Variants in EXOSC10 observed in about 807,000 individuals in gnomAD.
EXOSC10 encodes the protein exosome complex component 10.
EXOSC10 carries 94 observed loss-of-function variants against 126.6 expected under a neutral mutation model. That is an observed-to-expected ratio of 0.74 (90% CI 0.63 to 0.88). The LOEUF is 0.88. Among genes scored for constraint, EXOSC10 ranks in the 40% least tolerant of loss-of-function variants. The probability of loss-of-function intolerance (pLI) is 0.00; values close to 1 mark genes in which losing one functional copy is unlikely to be tolerated. For missense variants in EXOSC10, 1,041 were observed against 1,100.5 expected, an observed-to-expected ratio of 0.95 and a Z score of 0.77; for synonymous variants, 395 against 400.8, an observed-to-expected ratio of 0.99 and a Z score of 0.17.
chr1:11,076,517 G>C (rs1639826282), intron 17 of EXOSC10, among the ~76,000 whole-genome samples: 1 of 152,224 alleles, frequency 6.6e-6, no homozygotes, highest in Non-Finnish European at 1.5e-5. Flanking sequence ...ACTGCAGCTT[G>C]TCTGGAAAGC....
At chr1:11,078,010 C>G (rs752742699) in intron 14 of EXOSC10, among the ~76,000 whole-genome samples, 18 of 152,082 alleles carry the variant, frequency 1.2e-4, no homozygotes, top group Non-Finnish European at 2.2e-4. Context: ...AGGTGGCTCA[C>G]AACTGTAATT....
Position 11,069,472 on chromosome 1 carries a change from C to T in EXOSC10, c.2488+87G>A. 1.0e-5 allele frequency: 15 copies of T among 1,429,184 alleles called. No homozygotes were observed. The South Asian group carries it at 1.8e-4, about 17-fold the overall frequency. The allele number at this position is 1,429,184 out of a possible 1,614,324, so 88.5% of individuals were successfully genotyped here. Reference sequence around the variant, plus strand: ...AGCACCATGCCTTGTGCAGGACTCACTTGGCCCCTATATTGTGGTCTCTTT... The same window carrying T: ...AGCACCATGCCTTGTGCAGGACTCATTTGGCCCCTATATTGTGGTCTCTTT... On this transcript the variant is annotated intron_variant, in intron 22 of 24. Transcript: ENST00000376936.
At chr1:11,078,113 A>C (rs1272689596) in intron 14 of EXOSC10, among the ~76,000 whole-genome samples, 5 of 152,072 alleles carry the variant, frequency 3.3e-5, no homozygotes, top group Non-Finnish European at 5.9e-5. Flanking sequence ...CTCTACAAAA[A>C]ATTAAAAAAA....
Position 11,090,549 on chromosome 1 carries a change from C to T in EXOSC10, c.758+5G>A. 2 of 1,612,480 alleles carry T rather than the reference C, an allele frequency of 1.2e-6. No homozygotes were observed. The highest frequency in any genetic ancestry group is 2.2e-5 in the East Asian group (1 of 44,876). ...GCAGAAAGTCAGACACAGGCCAACA[C>T]TTACATGTCTTGCTCAACCTGCTGG... On this transcript the variant is annotated splice_donor_5th_base_variant and intron_variant, in intron 6 of 24. Coordinates refer to ENST00000376936, the MANE Select transcript of EXOSC10 (RefSeq NM_001001998.3).
chr1:11,067,091 G>A (rs1004324049), intron 24 of EXOSC10, among the ~76,000 whole-genome samples: 1 of 152,206 alleles, frequency 6.6e-6, no homozygotes, highest in Non-Finnish European at 1.5e-5. Flanking sequence ...GAGGCCAGGA[G>A]TTTGAGACCA....
At position 11,066,733 on chromosome 1, in the gene EXOSC10, G is replaced by C. The variant is rs1437384315; in HGVS notation, c.2643C>G (p.Asn881Lys). 1 of 1,614,232 alleles carries C rather than the reference G, an allele frequency of 6.2e-7. No individual in the cohort carries two copies. The highest frequency in any genetic ancestry group is 8.5e-7 in the Non-Finnish European group (1 of 1,180,028). Residue 881 changes from asparagine to lysine, a missense_variant, in exon 25 of 25, where the codon AAC becomes AAG. Around this residue, in one of 3 missense-constraint regions of EXOSC10, gnomAD observed 388 missense variants for 415.2 expected, o/e 0.93. Coordinates refer to ENST00000376936, the MANE Select transcript of EXOSC10 (RefSeq NM_001001998.3). Reference sequence around the variant, plus strand: ...TCTTCCAGGACTATCTCTGTGGCCAGTTGTACCTGAAGCCTCTGCAGAGAG... The same window carrying C: ...TCTTCCAGGACTATCTCTGTGGCCACTTGTACCTGAAGCCTCTGCAGAGAG... ...TGKSDRGFRY[N>K]WPQR is the part of the protein sequence containing the mutation.
Position 11,098,113 on chromosome 1 carries a change from C to T in EXOSC10, c.155G>A (p.Gly52Asp). Reference protein sequence around the residue: ...SVVAVTKASGGLPQFGDEYDF... With the variant: ...SVVAVTKASGDLPQFGDEYDF... The stretch of plus-strand genomic sequence containing the variant: ...ATACTCATCGCCAAACTGTGGTAGG[C>T]CCCCAGATGCCTTGGTGACTGCCAC... Residue 52 changes from glycine to aspartate, a missense_variant, in exon 2 of 25, where the codon GGC (glycine) becomes GAC (aspartate). Transcript: ENST00000376936. 5 of 1,612,206 alleles carry T rather than the reference C, an allele frequency of 3.1e-6. No homozygotes were observed. Among genetic ancestry groups the T allele is most frequent in the Non-Finnish European group, 4.2e-6 (5 of 1,179,480 alleles).
intron 1 of EXOSC10, among the ~76,000 whole-genome samples, chr1:11,099,520 C>A (rs1641310604): frequency 6.6e-6 from 1 of 152,222 alleles, no homozygotes; most frequent in Admixed American, 6.5e-5. Flanking sequence ...CTTAGGCTCG[C>A]AAGCGGGACG....
chr1:11,079,217 G>A (rs986784866), intron 14 of EXOSC10, among the ~76,000 whole-genome samples: 6 of 151,166 alleles, frequency 4.0e-5, no homozygotes, highest in East Asian at 4.0e-4. Flanking sequence ...TAATCCCAGC[G>A]ACTCAGGAGG....
rs1640220204 is a variant in EXOSC10, at chr1:11,082,401, C to T, written c.1280+287G>A. 1.4e-5 allele frequency: 7 copies of T among 502,176 alleles called. No individual in the cohort carries two copies. The South Asian group carries it at 1.9e-4, about 14-fold the overall frequency. 31.1% of individuals were successfully genotyped at this position (502,176 alleles called of 1,614,324 possible). A position where few individuals can be genotyped will look rare whatever the true frequency, so the allele number is the denominator to read the frequency against. On this transcript the variant is annotated intron_variant, in intron 10 of 24. Coordinates refer to ENST00000376936, the MANE Select transcript of EXOSC10 (RefSeq NM_001001998.3). ...CACAAAATCATCTGGTAGAAAGATC[C>T]CAGTTTCAAACAAAAGACCAGCATG...
chr1:11,099,061 C>A (rs57976837), intron 1 of EXOSC10, among the ~76,000 whole-genome samples: 4,948 of 152,154 alleles, frequency 0.033, 210 homozygotes, highest in African/African-American at 0.077. Flanking sequence ...TAAGATACAA[C>A]GTTAGTGGAA....
Position 11,069,688 on chromosome 1 carries a change from G to C in EXOSC10, c.2359C>G (p.Pro787Ala). The C allele has an allele frequency of 6.2e-7, 1 of 1,613,994 alleles. No homozygotes were observed. The highest frequency in any genetic ancestry group is 1.1e-5 in the South Asian group (1 of 91,068). ...AKKRERATSDPRTTEQKQEKK... is the reference protein window; with the variant it reads ...AKKRERATSDARTTEQKQEKK... Reference sequence around the variant, plus strand: ...TCTTGTTTCTGTTCTGTGGTCCTTGGGTCGCTTGTTGCTCGCTCTCTCTTC... The same window carrying C: ...TCTTGTTTCTGTTCTGTGGTCCTTGCGTCGCTTGTTGCTCGCTCTCTCTTC... Residue 787 changes from proline to alanine, a missense_variant, in exon 22 of 25, where the codon CCA (proline) becomes GCA (alanine). By Grantham distance (27) the Pro-to-Ala change is conservative (BLOSUM62 -1). Around this residue, in one of 3 missense-constraint regions of EXOSC10, gnomAD observed 388 missense variants for 415.2 expected, o/e 0.93. Transcript: ENST00000376936.
intron 9 of EXOSC10, among the ~76,000 whole-genome samples, chr1:11,087,065 T>C (rs1200015213): frequency 6.6e-6 from 1 of 152,366 alleles, no homozygotes; most frequent in East Asian, 1.9e-4. Flanking sequence ...CAGTTTTAAA[T>C]GTTTCTTTTG....
chr1:11,068,023 G>A lies in EXOSC10; in HGVS notation c.2612C>T (p.Thr871Ile). The A allele has an allele frequency of 6.2e-7, 1 of 1,614,112 alleles. No individual in the cohort carries two copies. The highest frequency in any genetic ancestry group is 8.5e-7 in the Non-Finnish European group (1 of 1,179,978). ...SVGNKSMSFP[T>I]GKSDRGFRYN... ...CACCACATACCTGTCTGACTTTCCA[G>A]TTGGAAAGGACATGCTTTTGTTTCC... The change falls in exon 24 of 25, where the codon ACT becomes ATT. Residue 871 changes from threonine to isoleucine, a missense_variant. By Grantham distance (89) the Thr-to-Ile change is moderately conservative. Around this residue, in one of 3 missense-constraint regions of EXOSC10, gnomAD observed 388 missense variants for 415.2 expected, o/e 0.93. Transcript: ENST00000376936.
intron 22 of EXOSC10, 98 bp downstream of exon 22, chr1:11,069,461 T>C: frequency 7.5e-7 from 1 of 1,339,468 alleles, no homozygotes; most frequent in Non-Finnish European, 1.0e-6. Flanking sequence ...CCATGCCTTG[T>C]GCAGGACTCA....
Position 11,076,896 on chromosome 1 carries a change from A to G in EXOSC10, c.1932T>C (p.Asp644=), listed in dbSNP as rs1292278001. ...QASLFPDEKE[D]NLLGTTCLIA... Reference sequence around the variant, plus strand: ...TCAGGCATGTGGTACCCAGCAAGTTATCTTCTTTTTCATCAGGGAAGAGGC... The same window carrying G: ...TCAGGCATGTGGTACCCAGCAAGTTGTCTTCTTTTTCATCAGGGAAGAGGC... The change falls in exon 17 of 25, where the codon GAT becomes GAC. Residue 644 remains aspartate, a synonymous_variant. Transcript: ENST00000376936. 4 of 1,614,026 alleles carry G rather than the reference A, an allele frequency of 2.5e-6. No individual in the cohort carries two copies. The Admixed American group carries it at 6.7e-5, about 27-fold the overall frequency.
chr1:11,078,172 G>C (rs1639928285), intron 14 of EXOSC10, among the ~76,000 whole-genome samples: 1 of 152,128 alleles, frequency 6.6e-6, no homozygotes, highest in Non-Finnish European at 1.5e-5. Flanking sequence ...CTGCTCAGGA[G>C]GCTAAGGTGG....
chr1:11,075,143 CTG>C (rs1639737411), intron 17 of EXOSC10, among the ~76,000 whole-genome samples: 2 of 152,146 alleles, frequency 1.3e-5, no homozygotes, highest in Admixed American at 6.5e-5. Flanking sequence ...AGTGATTCTC[CTG>C]CCTCAGCCTC....
At chr1:11,083,668 G>A (rs923440856) in intron 9 of EXOSC10, among the ~76,000 whole-genome samples, 1 of 150,370 alleles carries the variant, frequency 6.7e-6, no homozygotes, top group African/African-American at 2.5e-5. Context: ...GGGTACATGT[G>A]CACAATGTGC....
Sources: gnomAD v4.1 joint callset for allele counts (sites outside exome capture counted in the v4.1 genomes callset) on GRCh38, gnomAD v4.1.1 for gene constraint, gnomAD v4.1.1 regional missense constraint, MANE v1.5 for transcripts, NCBI Gene and HGNC (gene_info 2026-07-23, HGNC 2026-07-21) for gene names.